ZNF716: variants seen among roughly 807,000 people sequenced by gnomAD.
The protein encoded by ZNF716 is zinc finger protein 716.
A neutral mutation model predicts 13.4 loss-of-function variants in ZNF716; 9 were observed. That is an observed-to-expected ratio of 0.67 (90% CI 0.41 to 1.18). ZNF716 has a LOEUF of 1.18. ZNF716 is among the 50% of genes most tolerant of loss of function. The pLI, the probability that ZNF716 is intolerant of heterozygous loss-of-function variation, is 0.01. For missense variants in ZNF716, 581 were observed against 576.6 expected (o/e 1.01, Z -0.08); for synonymous variants, 186 against 195.2 (o/e 0.95, Z 0.39).
Position 57,469,973 on chromosome 7 carries a change from C to T in ZNF716, c.*24C>T, listed in dbSNP as rs1789898926. 1.3e-6 allele frequency: 2 copies of T among 1,493,104 alleles called. No individual in the cohort carries two copies. Among genetic ancestry groups the T allele is most frequent in the Non-Finnish European group, 1.8e-6 (2 of 1,124,208 alleles). The allele number at this position is 1,493,104 out of a possible 1,614,324, so 92.5% of individuals were successfully genotyped here. ...AATGTGGTAAAGTCCAGCCCTCAGG[C>T]CTTATAATACATAAAATAATTTATA... On this transcript the variant is annotated 3_prime_UTR_variant, in exon 4 of 4. Coordinates refer to ENST00000420713, the MANE Select transcript of ZNF716 (RefSeq NM_001159279.1).
At chr7:57,468,330 G>A (rs181327246) in intron 3 of ZNF716, among the ~76,000 whole-genome samples, 5 of 152,256 alleles carry the variant, frequency 3.3e-5, no homozygotes, top group African/African-American at 4.8e-5. Flanking sequence ...ATGGAAGAGA[G>A]AAAGGCTCCC....
intron 1 of ZNF716, among the ~76,000 whole-genome samples, chr7:57,457,227 A>C (rs1789613152): frequency 6.6e-6 from 1 of 152,188 alleles, no homozygotes; most frequent in Non-Finnish European, 1.5e-5. Flanking sequence ...ATCATAGTCT[A>C]ATCTGCCTGC....
rs575490128 is a variant in ZNF716, at chr7:57,463,127, C to T, written c.221C>T (p.Pro74Leu). The T allele has an allele frequency of 6.8e-6, 11 of 1,609,874 alleles. No homozygotes were observed. The highest frequency in any genetic ancestry group is 1.3e-5 in the African/African-American group (1 of 74,976). Reference sequence around the variant, plus strand: ...ACCTGTCTGGAGCAAAATAAAGAGCCCCAGAATATAAAGAGAAATGAGATG... The same window carrying T: ...ACCTGTCTGGAGCAAAATAAAGAGCTCCAGAATATAAAGAGAAATGAGATG... Reference protein sequence around the residue: ...LITCLEQNKEPQNIKRNEMVA... With the variant: ...LITCLEQNKELQNIKRNEMVA... Residue 74 changes from proline (P) to leucine (L), a missense_variant, in exon 3 of 4, where the codon CCC (proline) becomes CTC (leucine). By Grantham distance (98) the Pro-to-Leu change is moderately conservative. Coordinates refer to ENST00000420713, the MANE Select transcript of ZNF716 (RefSeq NM_001159279.1).
At chr7:57,466,226 T>G (rs1789810251) in intron 3 of ZNF716, among the ~76,000 whole-genome samples, 1 of 151,996 alleles carries the variant, frequency 6.6e-6, no homozygotes, top group African/African-American at 2.4e-5. Flanking sequence ...AAACAACATA[T>G]TATGAAAATA....
At position 57,468,874 on chromosome 7, in the gene ZNF716, A is replaced by G. The variant is rs1554324549; in HGVS notation, c.413A>G (p.His138Arg). 3 of 1,613,572 alleles carry G rather than the reference A, an allele frequency of 1.9e-6. No individual in the cohort carries two copies. In the African/African-American group the frequency reaches 4.0e-5, roughly 22 times the overall value. Residue 138 changes from histidine (H) to arginine (R), a missense_variant, in exon 4 of 4, where the codon CAC becomes CGC. By Grantham distance (29) the His-to-Arg change is conservative. Transcript: ENST00000420713. ...CCKSVGECEVHKGGYNYVNQC... is the reference protein window; with the variant it reads ...CCKSVGECEVRKGGYNYVNQC... ...AAAAGTGTAGGTGAGTGTGAGGTGC[A>G]CAAAGGAGGTTATAATTATGTTAAC...
intron 1 of ZNF716, among the ~76,000 whole-genome samples, chr7:57,456,304 G>A (rs931124774): frequency 6.6e-6 from 1 of 152,156 alleles, no homozygotes; most frequent in Non-Finnish European, 1.5e-5. Context: ...ACAGGGTTTA[G>A]CTCAATTCTG....
intron 1 of ZNF716, among the ~76,000 whole-genome samples, chr7:57,459,469 T>A (rs1297746775): frequency 6.6e-6 from 1 of 152,234 alleles, no homozygotes; most frequent in African/African-American, 2.4e-5. Flanking sequence ...AAATGTGGTA[T>A]GTGTAAGGGA....
At chr7:57,464,364 G>T (rs10230602) in intron 3 of ZNF716, among the ~76,000 whole-genome samples, 58,232 of 151,638 alleles carry the variant, frequency 0.38, 11,382 homozygotes, top group East Asian at 0.51. Flanking sequence ...CTGGTGATCT[G>T]CCCAGCTCAG....
chr7:57,464,946 T>C (rs1789778880), intron 3 of ZNF716, among the ~76,000 whole-genome samples: 2 of 152,194 alleles, frequency 1.3e-5, no homozygotes, highest in Admixed American at 1.3e-4. Flanking sequence ...TCTGTCCTTA[T>C]GTGAATACCA....
At chr7:57,457,738 G>C (rs1287580075) in intron 1 of ZNF716, among the ~76,000 whole-genome samples, 2 of 152,110 alleles carry the variant, frequency 1.3e-5, no homozygotes, top group Non-Finnish European at 2.9e-5. Context: ...TTTGTGTACA[G>C]ATTGTTTTAT....
intron 1 of ZNF716, among the ~76,000 whole-genome samples, chr7:57,451,915 C>G (rs1789505320): frequency 6.6e-6 from 1 of 151,864 alleles, no homozygotes; most frequent in Non-Finnish European, 1.5e-5. Context: ...TACAGGCCTA[C>G]ACCACCATAC....
chr7:57,455,377 T>C (rs1789566871), intron 1 of ZNF716, among the ~76,000 whole-genome samples: 1 of 152,228 alleles, frequency 6.6e-6, no homozygotes, highest in African/African-American at 2.4e-5. Context: ...TAGCTGATTC[T>C]TTTATAAGAA....
chr7:57,464,100 A>C (rs1416775193), intron 3 of ZNF716, among the ~76,000 whole-genome samples: 43 of 139,544 alleles, frequency 3.1e-4, no homozygotes, highest in African/African-American at 1.1e-3. Flanking sequence ...AGGTAGTTCA[A>C]TCATTTGTCC....
chr7:57,462,973 T>G lies in ZNF716; in HGVS notation c.167-100T>G, dbSNP rs142755388. 1.1e-3 allele frequency: 1,650 copies of G among 1,464,084 alleles called. 14 individuals carry two copies. The African/African-American group carries it at 0.02, about 18-fold the overall frequency. The allele number at this position is 1,464,084 out of a possible 1,614,324, so 90.7% of individuals were successfully genotyped here. ...CTGTTACGAATCAATCTTAATTTTC[T>G]AGAATTTTCTATCATATCCTCTTTA... On this transcript the variant is annotated intron_variant, in intron 2 of 3. Coordinates refer to ENST00000420713, the MANE Select transcript of ZNF716 (RefSeq NM_001159279.1).
At chr7:57,450,955 A>G (rs1390530955) in intron 1 of ZNF716, among the ~76,000 whole-genome samples, 1 of 152,154 alleles carries the variant, frequency 6.6e-6, no homozygotes, top group African/African-American at 2.4e-5. Flanking sequence ...ATGTCATCAG[A>G]GATTAATTGG....
chr7:57,458,261 T>C (rs1186287556), intron 1 of ZNF716, among the ~76,000 whole-genome samples: 1 of 152,232 alleles, frequency 6.6e-6, no homozygotes, highest in African/African-American at 2.4e-5. Flanking sequence ...AACAAATTTA[T>C]ACTCTCACCA....
chr7:57,464,114 T>G (rs1789760008), intron 3 of ZNF716, among the ~76,000 whole-genome samples: 1 of 114,170 alleles, frequency 8.8e-6, no homozygotes, highest in Non-Finnish European at 1.7e-5. Context: ...TTTGTCCATT[T>G]CTTTTTTCTT....
Position 57,470,174 on chromosome 7 carries a change from A to T in ZNF716, c.*225A>T, listed in dbSNP as rs1451593331. On this transcript the variant is annotated 3_prime_UTR_variant, in exon 4 of 4. Coordinates refer to ENST00000420713, the MANE Select transcript of ZNF716 (RefSeq NM_001159279.1). ...GAACCCAAGAGAATTTATTTAAAAA[A>T]ATTTTTTTGAGACAGAGTCTCACTT... 16 of 408,760 alleles carry T rather than the reference A, an allele frequency of 3.9e-5. No individual in the cohort carries two copies. The highest frequency in any genetic ancestry group is 9.6e-5 in the East Asian group (2 of 20,826). The allele number at this position is 408,760 out of a possible 1,614,324, so 25.3% of individuals were successfully genotyped here. A position where few individuals can be genotyped will look rare whatever the true frequency, so the allele number is the denominator to read the frequency against.
At chr7:57,462,983 T>A in intron 2 of ZNF716, 90 bp from the exon 3 acceptor site, 1 of 1,492,006 alleles carries the variant, frequency 6.7e-7, no homozygotes, top group African/African-American at 1.4e-5. Context: ...TAGAATTTTC[T>A]ATCATATCCT....
Sources: gnomAD v4.1 joint callset for allele counts (sites outside exome capture counted in the v4.1 genomes callset) on GRCh38, gnomAD v4.1.1 for gene constraint, MANE v1.5 for transcripts, NCBI Gene and HGNC (gene_info 2026-07-23, HGNC 2026-07-21) for gene names.